The following CHL1 variants were observed in gnomAD, a reference collection of about 807,000 sequenced individuals.
The protein encoded by CHL1 is neural cell adhesion molecule L1-like protein.
A neutral mutation model predicts 141.9 loss-of-function variants in CHL1; 96 were observed. The ratio of observed to expected loss-of-function variants is 0.68; its 90% CI spans 0.57 to 0.80. The LOEUF is 0.80. Ranked by LOEUF, CHL1 falls within the 30% of genes least tolerant of loss-of-function variation. CHL1 has a pLI of 0.00. For missense variants in CHL1, 1,820 were observed against 1,457.2 expected (o/e 1.25, Z -4.05); for synonymous variants, 613 against 502.2 (o/e 1.22, Z -2.95).
intron 2 of CHL1, chr3:246,845 C>T (rs985053141): frequency 6.6e-6 from 1 of 151,970 alleles, no homozygotes; most frequent in African/African-American, 2.4e-5. Context: ...TATCCAAAAG[C>T]GATGTTATCC....
Position 394,740 on chromosome 3 carries a change from A to G in CHL1, c.2962A>G (p.Thr988Ala), listed in dbSNP as rs749307511. ...IGELNDINIT[T>A]PSKPSWHLSN... ...AGAATTAAATGATATTAACATTACA[A>G]CTCCATCAAAGCCCAGCTGGCACCT... is the stretch of plus-strand genomic sequence containing the variant. The change falls in exon 24 of 28, where the codon ACT becomes GCT. Residue 988 changes from threonine to alanine, a missense_variant. Coordinates refer to ENST00000256509, the MANE Select transcript of CHL1 (RefSeq NM_006614.4). 2 of 1,613,670 alleles carry G rather than the reference A, an allele frequency of 1.2e-6. No homozygotes were observed. The highest frequency in any genetic ancestry group is 2.2e-5 in the South Asian group (2 of 91,046).
At chr3:260,555 G>A (rs1004135636) in intron 2 of CHL1, among the ~76,000 whole-genome samples, 1 of 152,126 alleles carries the variant, frequency 6.6e-6, no homozygotes, top group Non-Finnish European at 1.5e-5. Context: ...ATAACATTCC[G>A]ATACCAGCAC....
intron 15 of CHL1, among the ~76,000 whole-genome samples, chr3:370,210 G>T (rs1236764770): frequency 6.6e-6 from 1 of 152,184 alleles, no homozygotes; most frequent in African/African-American, 2.4e-5. Context: ...GAATTCGGCT[G>T]TCAATCCATC....
rs145091436 is a variant in CHL1 at position 370,733 on chromosome 3, G to A, written c.1751+4618G>A. Among the ~76,000 whole-genome samples the A allele has an allele frequency of 2.8e-3, 423 of 152,244 alleles. 2 individuals carry two copies. The highest frequency in any genetic ancestry group is 9.7e-3 in the African/African-American group (401 of 41,540). On this transcript the variant is annotated intron_variant, in intron 15 of 27. Coordinates refer to ENST00000256509, the MANE Select transcript of CHL1 (RefSeq NM_006614.4). ...TTTGAGATCTTTCTAGCTTTCTGATGTGGGCATTTAGTGCTATAAATTTCC... is the reference window on the plus strand; with the variant it reads ...TTTGAGATCTTTCTAGCTTTCTGATATGGGCATTTAGTGCTATAAATTTCC...
chr3:407,176 T>A lies in CHL1; in HGVS notation c.*1465T>A, dbSNP rs1156460903. 7 of 152,170 alleles carry A rather than the reference T, an allele frequency of 4.6e-5. No homozygotes were observed. Among genetic ancestry groups the A allele is most frequent in the Non-Finnish European group, 1.0e-4 (7 of 68,022 alleles). 9.4% of individuals were successfully genotyped at this position (152,170 alleles called of 1,614,324 possible). On this transcript the variant is annotated 3_prime_UTR_variant, in exon 28 of 28. Transcript: ENST00000256509. Reference sequence around the variant, plus strand: ...TCGACATTTTATGGAAAGATTTTTTTAACCTTACCACGAAATACTTAACTA... The same window carrying A: ...TCGACATTTTATGGAAAGATTTTTTAAACCTTACCACGAAATACTTAACTA...
intron 2 of CHL1, among the ~76,000 whole-genome samples, chr3:308,333 C>T (rs1033611747): frequency 6.6e-6 from 1 of 152,052 alleles, no homozygotes; most frequent in African/African-American, 2.4e-5. Context: ...TGGCAACTGC[C>T]TCATAAAATG....
chr3:356,088 A>G (rs1703692771), intron 11 of CHL1, among the ~76,000 whole-genome samples: 2 of 152,210 alleles, frequency 1.3e-5, no homozygotes, highest in South Asian at 2.1e-4. Context: ...ACAGACACTC[A>G]GGAAACCTTA....
chr3:393,906 A>G (rs2125458129), intron 23 of CHL1, among the ~76,000 whole-genome samples: 1 of 152,252 alleles, frequency 6.6e-6, no homozygotes, highest in Admixed American at 6.5e-5. Flanking sequence ...TAATAAATGC[A>G]TTTTTTTAAC....
chr3:319,563 T>A (rs1450171284), intron 2 of CHL1, 120 bp from the exon 3 acceptor site: 8 of 480,338 alleles, frequency 1.7e-5, no homozygotes, highest in East Asian at 7.1e-5. Context: ...AGAGAACAGT[T>A]TCATAAGGAG....
chr3:377,760 G>A (rs1706517572), intron 15 of CHL1, 58 bp from the exon 16 acceptor site: 1 of 1,425,630 alleles, frequency 7.0e-7, no homozygotes, highest in Non-Finnish European at 9.7e-7. Context: ...AAAAGAATTG[G>A]GTTTCTATCA....
chr3:199,189 A>G (rs1006032), intron 1 of CHL1, among the ~76,000 whole-genome samples: 19,791 of 152,230 alleles, frequency 0.13, 1,609 homozygotes, highest in East Asian at 0.4. Context: ...TAGTAATGGC[A>G]GAACGTAGTG....
At chr3:319,899 G>C in intron 3 of CHL1, 32 bp downstream of exon 3, 1 of 1,242,350 alleles carries the variant, frequency 8.0e-7, no homozygotes, top group Non-Finnish European at 1.2e-6. Context: ...CCTATTAATG[G>C]AATTTCATAT....
chr3:365,264 A>G (rs538950392), intron 14 of CHL1, among the ~76,000 whole-genome samples: 1 of 152,364 alleles, frequency 6.6e-6, no homozygotes, highest in Non-Finnish European at 1.5e-5. Context: ...ATAATGAACC[A>G]AACATTTTCT....
At chr3:279,145 T>C (rs562851988) in intron 2 of CHL1, among the ~76,000 whole-genome samples, 5 of 152,236 alleles carry the variant, frequency 3.3e-5, no homozygotes, top group Non-Finnish European at 5.9e-5. Context: ...ATTTAGCAGT[T>C]ATTTTTATGG....
At chr3:280,079 G>T (rs1696502931) in intron 2 of CHL1, among the ~76,000 whole-genome samples, 1 of 152,162 alleles carries the variant, frequency 6.6e-6, no homozygotes, top group African/African-American at 2.4e-5. Context: ...AATAAATATA[G>T]GTGTGTAAAG....
chr3:319,948 G>A, intron 3 of CHL1, 81 bp downstream of exon 3: 1 of 737,670 alleles, frequency 1.4e-6, no homozygotes, highest in Non-Finnish European at 2.3e-6. Flanking sequence ...TATGGATTGA[G>A]GATGTGACTT....
chr3:291,456 C>CTTTTTTTTTT (rs201416513), intron 2 of CHL1, among the ~76,000 whole-genome samples: 1 of 146,100 alleles, frequency 6.8e-6, no homozygotes. Context: ...TTTTCTTTTT[C>CTTTTTTTTTT]TTTTTCTTTT....
In CHL1 at chr3:363,274, T is replaced by TGGCACATTGCAGATCAACAGA. The variant is rs752149971; in HGVS notation, c.1477_1497dup (p.Gly493_Arg499dup). On this transcript the variant is annotated inframe_insertion, in exon 14 of 28. Transcript: ENST00000256509. Reference sequence around the variant, plus strand: ...GCAGGCGGTATCATATCTATGAAAATGGCACATTGCAGATCAACAGAACCA... The same window carrying TGGCACATTGCAGATCAACAGA: ...GCAGGCGGTATCATATCTATGAAAATGGCACATTGCAGATCAACAGAGGCACATTGCAGATCAACAGAACCA... 5 of 1,613,648 alleles carry TGGCACATTGCAGATCAACAGA rather than the reference T, an allele frequency of 3.1e-6. No homozygotes were observed. The East Asian group carries it at 1.1e-4, about 36-fold the overall frequency.
chr3:365,270 T>G (rs1270492065), intron 14 of CHL1, among the ~76,000 whole-genome samples: 2 of 152,218 alleles, frequency 1.3e-5, no homozygotes, highest in African/African-American at 4.8e-5. Flanking sequence ...AACCAAACAT[T>G]TTCTTAAGGC....
Sources: gnomAD v4.1 joint callset for allele counts (sites outside exome capture counted in the v4.1 genomes callset) on GRCh38, gnomAD v4.1.1 for gene constraint, MANE v1.5 for transcripts, NCBI Gene and HGNC (gene_info 2026-07-23, HGNC 2026-07-21) for gene names.